PRMT3: variants seen among roughly 807,000 people sequenced by gnomAD.
PRMT3 encodes the protein protein arginine methyltransferase 3, also known as protein arginine N-methyltransferase 3.
PRMT3 carries 62 observed loss-of-function variants against 71.9 expected under a neutral mutation model. The observed-to-expected ratio is 0.86, with a 90% CI of 0.70 to 1.07. The LOEUF (loss-of-function observed/expected upper bound fraction) is 1.07, where lower values mean the gene tolerates loss of function less well. Ranked by LOEUF, PRMT3 falls within the 50% of genes least tolerant of loss-of-function variation. The probability of loss-of-function intolerance (pLI) is 0.00; values close to 1 mark genes in which losing one functional copy is unlikely to be tolerated. For synonymous variants in PRMT3, 213 were observed against 220.4 expected (o/e 0.97, Z 0.30); for missense variants, 663 against 643.0 (o/e 1.03, Z -0.34).
intron 13 of PRMT3, among the ~76,000 whole-genome samples, chr11:20,479,302 G>A (rs902106190): frequency 6.6e-6 from 1 of 152,136 alleles, no homozygotes; most frequent in Non-Finnish European, 1.5e-5. Flanking sequence ...GCATATGCTA[G>A]GAGCTGAGAG....
chr11:20,473,459 C>T (rs562923071), intron 13 of PRMT3, among the ~76,000 whole-genome samples: 2 of 152,188 alleles, frequency 1.3e-5, no homozygotes, highest in East Asian at 3.9e-4. Flanking sequence ...CAAAGAACTC[C>T]TTGATTTCTG....
chr11:20,397,418 G>C (rs1848849302), intron 6 of PRMT3, among the ~76,000 whole-genome samples, 159 bp from the exon 7 acceptor site: 1 of 152,192 alleles, frequency 6.6e-6, no homozygotes, highest in South Asian at 2.1e-4. Context: ...CATTGCTTCA[G>C]ATCCAGCAGG....
intron 6 of PRMT3, among the ~76,000 whole-genome samples, chr11:20,397,308 C>G (rs945187444): frequency 4.6e-5 from 7 of 152,136 alleles, no homozygotes; most frequent in African/African-American, 1.7e-4. Flanking sequence ...AAGTAATATG[C>G]TTATTTGTTC....
At chr11:20,392,702 ACT>A in intron 4 of PRMT3, among the ~76,000 whole-genome samples, 193 bp from the exon 5 acceptor site, 1 of 151,120 alleles carries the variant, frequency 6.6e-6, no homozygotes, top group East Asian at 1.9e-4. Context: ...AGTAAAAAAA[ACT>A]CTGCGTTGAA....
rs562457513 is a variant in PRMT3 at position 20,508,843 on chromosome 11, TGAG to T, written c.*437_*439del. 9.2e-4 allele frequency: 187 copies of T among 202,472 alleles called. 1 individual carries two copies. Among genetic ancestry groups the T allele is most frequent in the Middle Eastern group, 2.4e-3 (1 of 416 alleles). 12.5% of individuals were successfully genotyped at this position (202,472 alleles called of 1,614,324 possible). A position where few individuals can be genotyped will look rare whatever the true frequency, so the allele number is the denominator to read the frequency against. On this transcript the variant is annotated 3_prime_UTR_variant, in exon 16 of 16. Transcript: ENST00000331079. ...CTACACATTTTATTATGGACTCCTC[TGAG>T]GAGGAGTTTTTAATTGTATTTGCTA... is the stretch of plus-strand genomic sequence containing the variant.
chr11:20,483,240 T>G (rs1159922166), intron 13 of PRMT3, among the ~76,000 whole-genome samples: 5 of 152,156 alleles, frequency 3.3e-5, no homozygotes, highest in African/African-American at 9.7e-5. Flanking sequence ...AAAACTAATT[T>G]TTTTATGCTG....
intron 10 of PRMT3, among the ~76,000 whole-genome samples, chr11:20,450,474 A>G (rs932171709): frequency 6.6e-6 from 1 of 152,194 alleles, no homozygotes; most frequent in Non-Finnish European, 1.5e-5. Context: ...GAATACATAG[A>G]TAATATTAAT....
Position 20,426,849 on chromosome 11 carries a change from T to C in PRMT3, c.977T>C (p.Ile326Thr), listed in dbSNP as rs1849557691. The part of the protein sequence containing the change: ...VHLPVEKVDV[I>T]ISEWMGYFLL... ...CTTCCTGTAGAAAAAGTAGATGTTATCATATCTGAGTGGATGGTGAGTGTT... is the reference window on the plus strand; with the variant it reads ...CTTCCTGTAGAAAAAGTAGATGTTACCATATCTGAGTGGATGGTGAGTGTT... The change falls in exon 10 of 16, where the codon ATC becomes ACC. Residue 326 changes from isoleucine to threonine, a missense_variant. Physicochemically the swap from Ile to Thr is moderately conservative, Grantham distance 89. Transcript: ENST00000331079. The C allele has an allele frequency of 2.0e-6, 3 of 1,532,536 alleles. No homozygotes were observed. Among genetic ancestry groups the C allele is most frequent in the Non-Finnish European group, 2.6e-6 (3 of 1,151,846 alleles). The allele number at this position is 1,532,536 out of a possible 1,614,324, so 94.9% of individuals were successfully genotyped here.
intron 13 of PRMT3, among the ~76,000 whole-genome samples, chr11:20,483,033 C>A (rs1012525972): frequency 5.3e-5 from 8 of 151,954 alleles, no homozygotes; most frequent in African/African-American, 1.9e-4. Context: ...AAAAACTATT[C>A]ATTTCAGAAA....
chr11:20,438,552 C>G (rs1013612165), intron 10 of PRMT3, among the ~76,000 whole-genome samples: 8 of 152,072 alleles, frequency 5.3e-5, no homozygotes, highest in African/African-American at 1.9e-4. Flanking sequence ...GGTGGGGTGT[C>G]TCAGCTCAGC....
intron 13 of PRMT3, among the ~76,000 whole-genome samples, chr11:20,466,058 C>T (rs1850504588): frequency 6.6e-6 from 1 of 152,132 alleles, no homozygotes. Flanking sequence ...AGATGTAAAA[C>T]TCTACTGAAG....
At chr11:20,487,795 C>T (rs998422171) in intron 13 of PRMT3, among the ~76,000 whole-genome samples, 5 of 152,056 alleles carry the variant, frequency 3.3e-5, no homozygotes, top group East Asian at 1.9e-4. Context: ...TGAAAGTATT[C>T]GTGTTACAGA....
intron 9 of PRMT3, among the ~76,000 whole-genome samples, chr11:20,410,368 A>G (rs1849168177): frequency 6.6e-6 from 1 of 152,056 alleles, no homozygotes; most frequent in East Asian, 1.9e-4. Flanking sequence ...TTCGTGATAT[A>G]TTACTTTTGA....
chr11:20,483,830 T>C (rs1851005452), intron 13 of PRMT3, among the ~76,000 whole-genome samples: 1 of 152,178 alleles, frequency 6.6e-6, no homozygotes, highest in South Asian at 2.1e-4. Flanking sequence ...GGTTTTTACT[T>C]TAAGTATGGC....
At chr11:20,475,848 T>C (rs1416436077) in intron 13 of PRMT3, among the ~76,000 whole-genome samples, 1 of 151,474 alleles carries the variant, frequency 6.6e-6, no homozygotes, top group Non-Finnish European at 1.5e-5. Flanking sequence ...GAGATGTATT[T>C]TGTATTTAGT....
chr11:20,399,028 T>C (rs945752430), intron 7 of PRMT3, among the ~76,000 whole-genome samples: 1 of 152,188 alleles, frequency 6.6e-6, no homozygotes, highest in Non-Finnish European at 1.5e-5. Context: ...GATTGTAAAA[T>C]AGGAAGATGT....
chr11:20,427,768 T>G (rs763156342), intron 10 of PRMT3, among the ~76,000 whole-genome samples: 1 of 152,218 alleles, frequency 6.6e-6, no homozygotes, highest in Admixed American at 6.5e-5. Context: ...CTTACTGATA[T>G]GTCAATTTGA....
At chr11:20,460,590 A>G (rs544752211) in intron 11 of PRMT3, among the ~76,000 whole-genome samples, 2 of 152,220 alleles carry the variant, frequency 1.3e-5, no homozygotes, top group African/African-American at 4.8e-5. Flanking sequence ...TTATATGCCT[A>G]TGGTCTCCAA....
chr11:20,429,670 AGCATTT>A (rs1565208647), intron 10 of PRMT3, among the ~76,000 whole-genome samples: 1 of 152,222 alleles, frequency 6.6e-6, no homozygotes, highest in Non-Finnish European at 1.5e-5. Context: ...GTGTTACTTA[AGCATTT>A]GTATTATCTC....
Sources: allele counts gnomAD v4.1 joint callset (sites outside exome capture counted in the v4.1 genomes callset), GRCh38; gene constraint gnomAD v4.1.1; transcripts MANE v1.5; gene names NCBI Gene and HGNC (gene_info 2026-07-23, HGNC 2026-07-21).